XIAP: variants seen among roughly 807,000 people sequenced by gnomAD.
The protein encoded by XIAP is X-linked inhibitor of apoptosis.
XIAP carries 3 observed loss-of-function variants against 33.1 expected under a neutral mutation model. The observed-to-expected ratio is 0.09, with a 90% CI of 0.04 to 0.23. XIAP has a LOEUF of 0.23. Among genes scored for constraint, XIAP ranks in the 10% least tolerant of loss-of-function variants. The pLI, the probability that XIAP is intolerant of heterozygous loss-of-function variation, is 1.00. For synonymous variants in XIAP, 98 were observed against 121.3 expected (o/e 0.81, Z 1.26); for missense variants, 264 against 363.0 (o/e 0.73, Z 2.22).
chrX:123,875,417 A>G (rs1340268866), intron 1 of XIAP, among the ~76,000 whole-genome samples: 1 of 111,855 alleles, frequency 8.9e-6, no homozygotes, highest in Non-Finnish European at 1.9e-5. Context: ...CTTTTAGAAC[A>G]TATATTGCCA....
intron 6 of XIAP, among the ~76,000 whole-genome samples, chrX:123,902,765 A>G (rs1286549519): frequency 8.9e-6 from 1 of 112,232 alleles, no homozygotes; most frequent in East Asian, 2.8e-4. Context: ...CAAATAACCC[A>G]TATTCATTTC....
At chrX:123,869,962 A>ATT (rs67494680) in intron 1 of XIAP, among the ~76,000 whole-genome samples, 1 of 108,356 alleles carries the variant, frequency 9.2e-6, no homozygotes, top group East Asian at 2.9e-4. Context: ...AAGAGGATTG[A>ATT]TTTTTTTTTT....
chrX:123,879,701 G>A (rs1474489340), intron 1 of XIAP, among the ~76,000 whole-genome samples: 1 of 111,642 alleles, frequency 9.0e-6, no homozygotes, highest in Non-Finnish European at 1.9e-5. Context: ...ACATTTTCTC[G>A]ATTTATTTAA....
chrX:123,888,581 A>G (rs955242394), intron 2 of XIAP, 38 bp from the exon 3 acceptor site: 16 of 1,131,668 alleles, frequency 1.4e-5, no homozygotes, highest in Non-Finnish European at 1.8e-5. Context: ...GTAAGCTTCT[A>G]ATTGCACAAA....
rs757211012 is a variant in XIAP, at chrX:123,912,844, C to T, written c.*5663C>T. 91 of 323,067 alleles carry T rather than the reference C, an allele frequency of 2.8e-4. 1 individual carries two copies. Among genetic ancestry groups the T allele is most frequent in the South Asian group, 2.3e-3 (85 of 37,385 alleles). 26.6% of individuals were successfully genotyped at this position (323,067 alleles called of 1,213,427 possible). On this transcript the variant is annotated 3_prime_UTR_variant, in exon 7 of 7. Coordinates refer to ENST00000371199, the MANE Select transcript of XIAP (RefSeq NM_001167.4). ...ATTTTTTTTGTATTCTTAGTAGAGA[C>T]AGGGTTTCACCATGTTGGCCAGGCT... is the stretch of plus-strand genomic sequence containing the variant.
Position 123,860,242 on chromosome X carries a change from C to T in XIAP, c.-84C>T, listed in dbSNP as rs1229489946. 2 of 328,872 alleles carry T rather than the reference C, an allele frequency of 6.1e-6. No individual in the cohort carries two copies. Among genetic ancestry groups the T allele is most frequent in the African/African-American group, 2.6e-5 (1 of 38,055 alleles). 27.1% of individuals were successfully genotyped at this position (328,872 alleles called of 1,213,427 possible). ...GCCGCGCCTCCTCCGGGACCCTCCC[C>T]TTGGACCGAGCCGATCGCCGCGGGG... On this transcript the variant is annotated 5_prime_UTR_variant, in exon 1 of 7. Coordinates refer to ENST00000371199, the MANE Select transcript of XIAP (RefSeq NM_001167.4).
chrX:123,886,591 A>G (rs1231448616), intron 2 of XIAP, 52 bp downstream of exon 2: 1 of 1,170,345 alleles, frequency 8.5e-7, no homozygotes, highest in Admixed American at 2.2e-5. Context: ...GCCAGGGCTC[A>G]TAAAAAGTAA....
rs2053625565 is a variant in XIAP, at chrX:123,913,440, A to G, written c.*6259A>G. Reference sequence around the variant, plus strand: ...AGCCAAGATGGCGCCACCGCACTCCAGCCTAGGTGATAGAGTGAGACTCCC... The same window carrying G: ...AGCCAAGATGGCGCCACCGCACTCCGGCCTAGGTGATAGAGTGAGACTCCC... On this transcript the variant is annotated 3_prime_UTR_variant, in exon 7 of 7. Coordinates refer to ENST00000371199, the MANE Select transcript of XIAP (RefSeq NM_001167.4). The G allele has an allele frequency of 3.0e-6, 1 of 329,221 alleles. No homozygotes were observed. Among genetic ancestry groups the G allele is most frequent in the Non-Finnish European group, 5.9e-6 (1 of 169,900 alleles). The allele number at this position is 329,221 out of a possible 1,213,427, so 27.1% of individuals were successfully genotyped here.
intron 2 of XIAP, among the ~76,000 whole-genome samples, chrX:123,888,000 T>TTAATA (rs2053368196): frequency 2.0e-5 from 2 of 98,046 alleles, no homozygotes; most frequent in African/African-American, 8.7e-5. Context: ...AAAATAATAA[T>TTAATA]AATTAATAAA....
chrX:123,865,775 A>G (rs768136918), intron 1 of XIAP, among the ~76,000 whole-genome samples: 1 of 111,149 alleles, frequency 9.0e-6, no homozygotes, highest in African/African-American at 3.3e-5. Context: ...TTTGTTTTTG[A>G]GACATTGTCT....
In XIAP at chrX:123,899,279, A is replaced by G. The variant is rs1306417920; in HGVS notation, c.1100-1214A>G. On this transcript the variant is annotated intron_variant, in intron 5 of 6. Transcript: ENST00000371199. ...ATTTTGTATATATATGATTTTGTATATATATATGATTTTGTATATATATAC... is the reference window on the plus strand; with the variant it reads ...ATTTTGTATATATATGATTTTGTATGTATATATGATTTTGTATATATATAC... 5.0e-5 allele frequency among the ~76,000 whole-genome samples: 5 copies of G among 99,840 alleles called. No homozygotes were observed. In the East Asian group the frequency reaches 1.5e-3, roughly 30 times the overall value. 86.7% of individuals were successfully genotyped at this position (99,840 alleles called of 115,157 possible). A position where few individuals can be genotyped will look rare whatever the true frequency, so the allele number is the denominator to read the frequency against.
At chrX:123,865,335 C>T (rs1197786219) in intron 1 of XIAP, among the ~76,000 whole-genome samples, 2 of 111,447 alleles carry the variant, frequency 1.8e-5, no homozygotes, top group Non-Finnish European at 3.8e-5. Flanking sequence ...GACTTTGTTT[C>T]CAATTAGCTG....
intron 1 of XIAP, among the ~76,000 whole-genome samples, chrX:123,860,837 T>C (rs2053072428): frequency 8.9e-6 from 1 of 111,751 alleles, no homozygotes; most frequent in South Asian, 3.7e-4. Flanking sequence ...GAGGGGAGTG[T>C]TTATTCTCAA....
intron 2 of XIAP, among the ~76,000 whole-genome samples, chrX:123,887,866 C>G (rs1341429317): frequency 2.7e-5 from 3 of 109,243 alleles, no homozygotes; most frequent in African/African-American, 1.0e-4. Context: ...CGCCTGTAGT[C>G]CCAGCTACTT....
intron 1 of XIAP, chrX:123,874,472 C>T (rs2053223651): frequency 9.0e-6 from 1 of 110,972 alleles, no homozygotes; most frequent in South Asian, 3.8e-4. Flanking sequence ...CTCGCTTTGG[C>T]AGTACATATA....
At chrX:123,864,458 T>TTG (rs2053110509) in intron 1 of XIAP, among the ~76,000 whole-genome samples, 5 of 83,596 alleles carry the variant, frequency 6.0e-5, no homozygotes, top group Non-Finnish European at 9.2e-5. Flanking sequence ...TTCTTCTGTT[T>TTG]TTTTTTTTTT....
chrX:123,894,956 GTAAATAAATAAATAAA>G (rs113036397), intron 5 of XIAP, among the ~76,000 whole-genome samples: 4 of 105,718 alleles, frequency 3.8e-5, no homozygotes, highest in East Asian at 3.0e-4. Context: ...ACATAAATAA[GTAAATAAATAAATAAA>G]TAAATAAATA....
chrX:123,860,157 C>T lies in XIAP; in HGVS notation c.-169C>T, dbSNP rs1037553738. 9.1e-5 allele frequency: 30 copies of T among 328,495 alleles called. No homozygotes were observed. The highest frequency in any genetic ancestry group is 6.3e-4 in the African/African-American group (24 of 37,911). The allele number at this position is 328,495 out of a possible 1,213,427, so 27.1% of individuals were successfully genotyped here. On this transcript the variant is annotated 5_prime_UTR_variant, in exon 1 of 7. Coordinates refer to ENST00000371199, the MANE Select transcript of XIAP (RefSeq NM_001167.4). ...AGGGAGACGAAGGGACTTCCGTTTC[C>T]TTCACCTAGGCTGGGGCCAAGCCGC...
chrX:123,867,527 C>T (rs2053153208), intron 1 of XIAP, among the ~76,000 whole-genome samples: 1 of 108,778 alleles, frequency 9.2e-6, no homozygotes, highest in South Asian at 3.9e-4. Flanking sequence ...ACATGTGCTA[C>T]CACGCCCGGC....
Sources: allele counts gnomAD v4.1 joint callset (sites outside exome capture counted in the v4.1 genomes callset), GRCh38; gene constraint gnomAD v4.1.1; transcripts MANE v1.5; gene names NCBI Gene and HGNC (gene_info 2026-07-23, HGNC 2026-07-21).